Variants in MYOM3 observed in about 807,000 individuals in gnomAD.
The protein encoded by MYOM3 is myomesin 3, also known as myomesin-3.
In MYOM3, 155 loss-of-function variants were observed where a neutral mutation model predicts 191.7. The observed-to-expected ratio is 0.81, with a 90% CI of 0.71 to 0.92. MYOM3 has a LOEUF of 0.92. MYOM3 is among the 40% of genes least tolerant of loss of function. The pLI, the probability that MYOM3 is intolerant of heterozygous loss-of-function variation, is 0.00. For missense variants in MYOM3, 1,889 were observed against 1,890.6 expected (o/e 1.00, Z 0.02); for synonymous variants, 757 against 762.9 (o/e 0.99, Z 0.13).
At position 24,082,075 on chromosome 1, in the gene MYOM3, G is replaced by C; in HGVS notation, c.2206C>G (p.Leu736Val). The C allele has an allele frequency of 6.2e-7, 1 of 1,612,818 alleles. No individual in the cohort carries two copies. The highest frequency in any genetic ancestry group is 8.5e-7 in the Non-Finnish European group (1 of 1,179,912). Residue 736 changes from leucine (L) to valine (V), a missense_variant, in exon 18 of 37, where the codon CTG becomes GTG. By Grantham distance (32) the Leu-to-Val change is conservative (BLOSUM62 1). Coordinates refer to ENST00000374434, the MANE Select transcript of MYOM3 (RefSeq NM_152372.4). ...RGGGKILGYF[L>V]DQHDSEELDW... The stretch of plus-strand genomic sequence containing the variant: ...AGCTCTTCCGAGTCATGCTGGTCCA[G>C]GAAGTAGCCCAGGATCTTGCCACCT...
intron 9 of MYOM3, 59 bp from the exon 10 acceptor site, chr1:24,093,167 A>C: frequency 8.5e-7 from 1 of 1,178,398 alleles, no homozygotes; most frequent in Non-Finnish European, 1.2e-6. Context: ...TCACCTGGGA[A>C]CCACAGAAAC....
intron 1 of MYOM3, among the ~76,000 whole-genome samples, chr1:24,110,469 C>G (rs1425165299): frequency 6.6e-6 from 1 of 152,144 alleles, no homozygotes; most frequent in Non-Finnish European, 1.5e-5. Flanking sequence ...GAAGGTGAGC[C>G]CACTGGCTTT....
intron 11 of MYOM3, 151 bp from the exon 12 acceptor site, chr1:24,091,147 C>T: frequency 1.1e-6 from 1 of 914,868 alleles, no homozygotes; most frequent in South Asian, 1.8e-5. Context: ...GAGCCTGGCT[C>T]CAACCTCGGG....
chr1:24,067,663 T>G (rs964906673), intron 27 of MYOM3, among the ~76,000 whole-genome samples: 1 of 152,066 alleles, frequency 6.6e-6, no homozygotes, highest in Non-Finnish European at 1.5e-5. Flanking sequence ...GGTTTCACCA[T>G]GTTGGCCAGG....
chr1:24,090,657 A>AC (rs1643807228), intron 12 of MYOM3, 140 bp downstream of exon 12: 1 of 766,718 alleles, frequency 1.3e-6, no homozygotes, highest in Admixed American at 2.6e-5. Context: ...CCTTCATCAG[A>AC]CTAGTGTTTA....
Position 24,094,796 on chromosome 1 carries a change from G to A in MYOM3, c.928+57C>T, listed in dbSNP as rs55732708. 4.1e-3 allele frequency: 6,295 copies of A among 1,547,756 alleles called. 184 individuals carry two copies. The African/African-American group carries it at 0.068, about 17-fold the overall frequency. ...CGCTAGGGGTCCTCTCTGGCTCTGA[G>A]TTGAGCTTTGGAGGGGCCAGCTCTG... On this transcript the variant is annotated intron_variant, in intron 9 of 36. Transcript: ENST00000374434.
At chr1:24,078,583 A>C (rs12562826) in intron 20 of MYOM3, among the ~76,000 whole-genome samples, 61,616 of 152,004 alleles carry the variant, frequency 0.41, 12,788 homozygotes, top group East Asian at 0.43. Flanking sequence ...GGGTTTGAAA[A>C]CTGCATATCC....
intron 5 of MYOM3, among the ~76,000 whole-genome samples, chr1:24,105,220 C>T (rs1643972428): frequency 6.6e-6 from 1 of 152,224 alleles, no homozygotes; most frequent in Non-Finnish European, 1.5e-5. Flanking sequence ...AAATTCTCAT[C>T]ACATGCAGGC....
chr1:24,082,873 A>G, intron 16 of MYOM3, 159 bp from the exon 17 acceptor site: 3 of 788,306 alleles, frequency 3.8e-6, no homozygotes, highest in Non-Finnish European at 5.6e-6. Flanking sequence ...TCCCATGGCA[A>G]TGCCTGAGAT....
chr1:24,093,057 T>A lies in MYOM3; in HGVS notation c.980A>T (p.Gln327Leu). Residue 327 changes from glutamine to leucine, a missense_variant, in exon 10 of 37, where the codon CAG becomes CTG. Transcript: ENST00000374434. ...GGTGCAGGACACCTTCAGGGATGCC[T>A]GGCGGTCTGTGTAGAGGATCTTCCG... ...RRRKILYTDRQASLKVSCTYK... is the reference protein window; with the variant it reads ...RRRKILYTDRLASLKVSCTYK... 1 of 1,613,026 alleles carries A rather than the reference T, an allele frequency of 6.2e-7. No individual in the cohort carries two copies. The highest frequency in any genetic ancestry group is 1.1e-5 in the South Asian group (1 of 91,064).
chr1:24,073,453 T>C (rs890249231), intron 23 of MYOM3, among the ~76,000 whole-genome samples: 1 of 152,152 alleles, frequency 6.6e-6, no homozygotes, highest in Non-Finnish European at 1.5e-5. Flanking sequence ...GCGCTCCCTA[T>C]TGTCACCCCA....
chr1:24,080,945 A>T (rs1170476252), intron 19 of MYOM3, among the ~76,000 whole-genome samples: 1 of 152,208 alleles, frequency 6.6e-6, no homozygotes, highest in East Asian at 1.9e-4. Context: ...TCCAAGACTA[A>T]GAGGGTTCCT....
Position 24,089,520 on chromosome 1 carries a change from G to A in MYOM3, c.1614+18C>T. 1.3e-6 allele frequency: 2 copies of A among 1,590,264 alleles called. No individual in the cohort carries two copies. The highest frequency in any genetic ancestry group is 1.7e-6 in the Non-Finnish European group (2 of 1,167,942). ...GTTTCTCAGGCTGGCCTGGGGCTGG[G>A]GCCTCGGGGTTCCCTACCTTCTCCA... On this transcript the variant is annotated intron_variant, in intron 14 of 36. Coordinates refer to ENST00000374434, the MANE Select transcript of MYOM3 (RefSeq NM_152372.4).
chr1:24,067,423 CTTCCTTCCTTCCTTCCTTCCTTTGT>C, intron 27 of MYOM3, among the ~76,000 whole-genome samples: 1 of 113,884 alleles, frequency 8.8e-6, no homozygotes, highest in Non-Finnish European at 1.8e-5. Context: ...TCCTTCCTTC[CTTCCTTCCTTCCTTCCTTCCTTTGT>C]TTCCTTCCTT....
rs1644040540 is a variant in MYOM3, at chr1:24,111,868, C to T, written c.-19+163G>A. ...CCTCCCATTTTCACTTGGGTGCTGC[C>T]TCAGCACAAATTTCCCAGGCTCCTT... On this transcript the variant is annotated intron_variant, in intron 1 of 36. Coordinates refer to ENST00000374434, the MANE Select transcript of MYOM3 (RefSeq NM_152372.4). The surrounding 1 kb of genome is among the most constrained non-coding windows in gnomAD (Gnocchi z 4.7). 6.6e-6 allele frequency among the ~76,000 whole-genome samples: 1 copy of T among 152,030 alleles called. No individual in the cohort carries two copies.
Position 24,072,023 on chromosome 1 carries a change from G to A in MYOM3, c.2969-10C>T. 6.2e-7 allele frequency: 1 copy of A among 1,614,084 alleles called. No individual in the cohort carries two copies. Among genetic ancestry groups the A allele is most frequent in the South Asian group, 1.1e-5 (1 of 91,080 alleles). ...TTCAGCTTCTCCAGCTCTGGGATAG[G>A]GGGAAGTGAGGAAGAAACCAGAGAG... On this transcript the variant is annotated splice_polypyrimidine_tract_variant and intron_variant, in intron 23 of 36. Coordinates refer to ENST00000374434, the MANE Select transcript of MYOM3 (RefSeq NM_152372.4).
At chr1:24,095,527 G>A (rs1643874359) in intron 7 of MYOM3, 41 bp from the exon 8 acceptor site, 1 of 1,582,290 alleles carries the variant, frequency 6.3e-7, no homozygotes, top group Non-Finnish European at 8.7e-7. Context: ...AAGGTTCAGA[G>A]CCCACATTCC....
chr1:24,099,798 GGC>G, intron 5 of MYOM3, 23 bp from the exon 6 acceptor site: 1 of 1,588,356 alleles, frequency 6.3e-7, no homozygotes, highest in South Asian at 1.1e-5. Context: ...AGCGGTCTGT[GGC>G]AGGCAGGGTG....
chr1:24,086,580 C>A lies in MYOM3; in HGVS notation c.1798+64G>T, dbSNP rs1053853290. 31 of 1,530,564 alleles carry A rather than the reference C, an allele frequency of 2.0e-5. No individual in the cohort carries two copies. In the East Asian group the frequency reaches 2.0e-4, roughly 10 times the overall value. 94.8% of individuals were successfully genotyped at this position (1,530,564 alleles called of 1,614,324 possible). On this transcript the variant is annotated intron_variant, in intron 15 of 36. Transcript: ENST00000374434. Reference sequence around the variant, plus strand: ...GGAAGTGGGCAGGGCTTTGTCCCTGCAGCTTCAGGTCCTGAGCCTGGCCTG... The same window carrying A: ...GGAAGTGGGCAGGGCTTTGTCCCTGAAGCTTCAGGTCCTGAGCCTGGCCTG...
Sources: gnomAD v4.1 joint callset for allele counts (sites outside exome capture counted in the v4.1 genomes callset) on GRCh38, gnomAD v4.1.1 for gene constraint, Gnocchi (gnomAD v3.1) non-coding constraint, MANE v1.5 for transcripts, NCBI Gene and HGNC (gene_info 2026-07-23, HGNC 2026-07-21) for gene names.